Variants in CCDC68 observed in about 807,000 individuals in gnomAD.
The protein encoded by CCDC68 is coiled-coil domain containing 68.
CCDC68 carries 45 observed loss-of-function variants against 47.1 expected under a neutral mutation model. The ratio of observed to expected loss-of-function variants is 0.96; its 90% CI spans 0.75 to 1.23. The LOEUF is 1.23. Among genes scored for constraint, CCDC68 ranks in the 50% most tolerant of loss-of-function variants. The pLI is 0.00. For missense variants in CCDC68, 353 were observed against 373.6 expected (o/e 0.94, Z 0.45); for synonymous variants, 131 against 129.5 (o/e 1.01, Z -0.08).
intron 7 of CCDC68, among the ~76,000 whole-genome samples, chr18:54,930,668 TTCCTTC>T (rs2044236096): frequency 1.5e-4 from 3 of 20,130 alleles, no homozygotes; most frequent in Non-Finnish European, 1.8e-4. Context: ...CCTTCCTTCC[TTCCTTC>T]CCTCCCTCCC....
chr18:54,935,761 C>T (rs893654158), intron 6 of CCDC68, among the ~76,000 whole-genome samples: 3 of 152,194 alleles, frequency 2.0e-5, no homozygotes, highest in African/African-American at 7.2e-5. Flanking sequence ...CAGTGAATTT[C>T]CTACTGTACT....
At chr18:54,949,619 C>T (rs2044580936) in intron 1 of CCDC68, among the ~76,000 whole-genome samples, 1 of 152,196 alleles carries the variant, frequency 6.6e-6, no homozygotes, top group Non-Finnish European at 1.5e-5. Context: ...TTGAAAAGCA[C>T]CATGCTGGAT....
chr18:54,952,432 A>G (rs1409586655), intron 1 of CCDC68, among the ~76,000 whole-genome samples: 1 of 152,234 alleles, frequency 6.6e-6, no homozygotes, highest in Non-Finnish European at 1.5e-5. Context: ...AAAATTATCC[A>G]GCAAGGGGAA....
At chr18:54,934,682 A>C in intron 7 of CCDC68, 138 bp downstream of exon 7, 1 of 618,100 alleles carries the variant, frequency 1.6e-6, no homozygotes, top group Non-Finnish European at 2.3e-6. Context: ...ATACTTCCTA[A>C]GGCCAAGAAT....
intron 9 of CCDC68, 150 bp from the exon 10 acceptor site, chr18:54,918,146 CAACAG>C (rs2043988431): frequency 5.3e-6 from 3 of 569,732 alleles, no homozygotes; most frequent in Admixed American, 7.0e-5. Flanking sequence ...ACTCAGCAGG[CAACAG>C]AAAATAGCAG....
At chr18:54,943,010 A>G in intron 2 of CCDC68, 1 of 371,302 alleles carries the variant, frequency 2.7e-6, no homozygotes, top group South Asian at 3.9e-5. Flanking sequence ...TTAAAAATTT[A>G]ACATTTAAAT....
At chr18:54,939,172 C>T (rs2044396595) in intron 4 of CCDC68, among the ~76,000 whole-genome samples, 1 of 152,106 alleles carries the variant, frequency 6.6e-6, no homozygotes. Flanking sequence ...CCTCCCTCAC[C>T]GTAACTCTGT....
intron 1 of CCDC68, among the ~76,000 whole-genome samples, chr18:54,947,103 T>C (rs187905217): frequency 6.6e-5 from 10 of 152,362 alleles, no homozygotes; most frequent in East Asian, 1.9e-4. Context: ...AATTGCCATA[T>C]GGCATTACTA....
intron 4 of CCDC68, 90 bp from the exon 5 acceptor site, chr18:54,938,187 C>A: frequency 8.1e-7 from 1 of 1,240,650 alleles, no homozygotes; most frequent in South Asian, 2.1e-5. Context: ...TTACATATAT[C>A]AAAGAAGCTT....
chr18:54,944,101 T>G (rs1273833865), intron 2 of CCDC68, among the ~76,000 whole-genome samples: 1 of 152,074 alleles, frequency 6.6e-6, no homozygotes, highest in Non-Finnish European at 1.5e-5. Flanking sequence ...TAATGATTTA[T>G]TTTCCTTTAA....
chr18:54,944,036 CCAGCT>C (rs2044480727), intron 2 of CCDC68, among the ~76,000 whole-genome samples: 1 of 151,952 alleles, frequency 6.6e-6, no homozygotes, highest in Non-Finnish European at 1.5e-5. Context: ...ATCTGTAATC[CCAGCT>C]ACTCGGGAGG....
chr18:54,950,803 TGATGCA>T (rs2044603098), intron 1 of CCDC68, among the ~76,000 whole-genome samples: 1 of 87,198 alleles, frequency 1.1e-5, no homozygotes, highest in African/African-American at 6.0e-5. Context: ...TATATATATA[TGATGCA>T]ATAAGGCACA....
chr18:54,907,262 T>C (rs907907759), intron 11 of CCDC68, among the ~76,000 whole-genome samples: 1 of 152,252 alleles, frequency 6.6e-6, no homozygotes, highest in Admixed American at 6.5e-5. Context: ...ATTTCTTTAG[T>C]AGGTCATCAT....
intron 2 of CCDC68, among the ~76,000 whole-genome samples, chr18:54,943,881 C>A (rs2044477215): frequency 6.6e-6 from 1 of 152,070 alleles, no homozygotes; most frequent in Non-Finnish European, 1.5e-5. Flanking sequence ...TGAAGTCGGG[C>A]ATGGTGGCTC....
At chr18:54,929,209 T>C (rs1041381047) in intron 7 of CCDC68, among the ~76,000 whole-genome samples, 2 of 152,164 alleles carry the variant, frequency 1.3e-5, no homozygotes, top group African/African-American at 2.4e-5. Context: ...CCTGCCCATC[T>C]CTCGCTAGAC....
chr18:54,942,213 A>G (rs1472584468), intron 3 of CCDC68, among the ~76,000 whole-genome samples: 1 of 152,224 alleles, frequency 6.6e-6, no homozygotes, highest in Non-Finnish European at 1.5e-5. Context: ...ATGTTTAATG[A>G]AGTGATATGC....
At chr18:54,957,592 A>G (rs930958093) in intron 1 of CCDC68, among the ~76,000 whole-genome samples, 1 of 151,202 alleles carries the variant, frequency 6.6e-6, no homozygotes, top group African/African-American at 2.4e-5. Context: ...GATGTACCAA[A>G]TAGTTTCTAA....
intron 1 of CCDC68, among the ~76,000 whole-genome samples, chr18:54,956,018 C>T (rs920632284): frequency 1.3e-5 from 2 of 151,948 alleles, no homozygotes; most frequent in Non-Finnish European, 2.9e-5. Context: ...TCAGACGAGT[C>T]TTGCTCTGTT....
chr18:54,932,646 C>T (rs2044283142), intron 7 of CCDC68, among the ~76,000 whole-genome samples: 1 of 152,200 alleles, frequency 6.6e-6, no homozygotes, highest in South Asian at 2.1e-4. Flanking sequence ...CATGTGCATC[C>T]TGTCTGCTTC....
Sources: allele counts gnomAD v4.1 joint callset (sites outside exome capture counted in the v4.1 genomes callset), GRCh38; gene constraint gnomAD v4.1.1; transcripts MANE v1.5; gene names NCBI Gene and HGNC (gene_info 2026-07-23, HGNC 2026-07-21).